CYP24A1: variants seen among roughly 807,000 people sequenced by gnomAD.
The protein encoded by CYP24A1 is cytochrome P450 family 24 subfamily A member 1, also known as 1,25-dihydroxyvitamin D(3) 24-hydroxylase, mitochondrial.
Under a neutral mutation model 62.4 loss-of-function variants are expected in CYP24A1, and 68 were observed. That is an observed-to-expected ratio of 1.09 (90% CI 0.90 to 1.33). CYP24A1 has a LOEUF of 1.33. Ranked by LOEUF, CYP24A1 falls within the 40% of genes most tolerant of loss-of-function variation. The probability of loss-of-function intolerance (pLI) is 0.00; values close to 1 mark genes in which losing one functional copy is unlikely to be tolerated. For synonymous variants in CYP24A1, 267 were observed against 253.0 expected (o/e 1.06, Z -0.52); for missense variants, 787 against 653.0 (o/e 1.21, Z -2.24).
downstream of CYP24A1, among the ~76,000 whole-genome samples, chr20:54,152,401 C>T (rs528182830): frequency 1.3e-5 from 2 of 152,340 alleles, no homozygotes; most frequent in East Asian, 3.9e-4. Flanking sequence ...GCTTGTTTGG[C>T]TTCTTTCCCT....
At chr20:54,150,199 G>A (rs935374497), downstream of CYP24A1, among the ~76,000 whole-genome samples, 1 of 152,168 alleles carries the variant, frequency 6.6e-6, no homozygotes, top group African/African-American at 2.4e-5. Context: ...GGGATGTAAA[G>A]TTTACCGTAA....
intron 3 of CYP24A1, 99 bp downstream of exon 3, chr20:54,171,478 C>T: frequency 6.2e-7 from 1 of 1,607,834 alleles, no homozygotes; most frequent in African/African-American, 1.3e-5. Context: ...ACCCGAATTG[C>T]ATTCTTTTTT....
chr20:54,159,658 G>A (rs1412454970), intron 7 of CYP24A1, among the ~76,000 whole-genome samples: 1 of 152,112 alleles, frequency 6.6e-6, no homozygotes, highest in Non-Finnish European at 1.5e-5. Context: ...AAAAGTGCTG[G>A]GATTACAGGC....
chr20:54,169,752 G>T, intron 3 of CYP24A1, 64 bp from the exon 4 acceptor site: 1 of 1,606,812 alleles, frequency 6.2e-7, no homozygotes, highest in Non-Finnish European at 8.5e-7. Flanking sequence ...AAACTTTAAA[G>T]CTCACTGAGC....
At position 54,157,275 on chromosome 20, in the gene CYP24A1, G is replaced by GT; in HGVS notation, c.1448dup (p.Tyr483Ter). 1 of 1,607,964 alleles carries GT rather than the reference G, an allele frequency of 6.2e-7. No individual in the cohort carries two copies. The highest frequency in any genetic ancestry group is 1.7e-4 in the Middle Eastern group (1 of 6,048). Residue 483 changes from tyrosine (Y) to a stop codon, truncating the protein, a stop_gained and frameshift_variant, in exon 11 of 12, where the codon TAC (tyrosine) becomes TAAC (stop). Coordinates refer to ENST00000216862, the MANE Select transcript of CYP24A1 (RefSeq NM_000782.5). LOFTEE classifies it high-confidence loss of function. ...HLALCWIVRKYDIQATDNEPV... is the reference protein window; with the variant it reads ...HLALCWIVRK Reference sequence around the variant, plus strand: ...GCTCATTGTCTGTGGCCTGGATGTCGTATTTGCGGACAATCTGTAATGCAC... The same window carrying GT: ...GCTCATTGTCTGTGGCCTGGATGTCGTTATTTGCGGACAATCTGTAATGCAC...
chr20:54,168,229 C>G (rs941320108), intron 4 of CYP24A1, among the ~76,000 whole-genome samples: 2 of 152,218 alleles, frequency 1.3e-5, no homozygotes, highest in Non-Finnish European at 2.9e-5. Flanking sequence ...CGCTGTCCCA[C>G]CTGATCACAG....
At chr20:54,143,754 A>G in the CYP24A1 span, among the ~76,000 whole-genome samples, 8 of 152,072 alleles carry the variant, frequency 5.3e-5, no homozygotes, top group Non-Finnish European at 1.0e-4. Flanking sequence ...AGCATCAACT[A>G]ATGATATGGA....
intron 7 of CYP24A1, 121 bp from the exon 8 acceptor site, chr20:54,159,244 C>A: frequency 1.3e-6 from 1 of 786,850 alleles, no homozygotes; most frequent in Admixed American, 1.9e-5. Context: ...AGCTCTTTCA[C>A]GCGTCCTTAT....
In CYP24A1 at chr20:54,159,009, C is replaced by T. The variant is rs2092639937; in HGVS notation, c.1105G>A (p.Glu369Lys). ...AAATACGGCATATTCCTCAAATCTT[C>T]TGCCCGTGGCACCTGATTCTCAGGT... ...VLPENQVPRAEDLRNMPYLKA... is the reference protein window; with the variant it reads ...VLPENQVPRAKDLRNMPYLKA... Residue 369 changes from glutamate (E) to lysine (K), a missense_variant, in exon 8 of 12, where the codon GAA becomes AAA. Glu to Lys is a moderately conservative substitution (Grantham distance 56). Coordinates refer to ENST00000216862, the MANE Select transcript of CYP24A1 (RefSeq NM_000782.5). The T allele has an allele frequency of 1.2e-6, 2 of 1,614,190 alleles. No homozygotes were observed. The highest frequency in any genetic ancestry group is 8.5e-7 in the Non-Finnish European group (1 of 1,180,028).
chr20:54,148,562 G>T (rs550764999), downstream of CYP24A1, among the ~76,000 whole-genome samples: 1 of 152,080 alleles, frequency 6.6e-6, no homozygotes, highest in South Asian at 2.1e-4. Context: ...GGTGGGGCAG[G>T]TAAAGTACAA....
At chr20:54,159,417 T>C (rs1012509349) in intron 7 of CYP24A1, among the ~76,000 whole-genome samples, 3 of 137,732 alleles carry the variant, frequency 2.2e-5, no homozygotes, top group Non-Finnish European at 4.6e-5. Flanking sequence ...TTTTTTGAGA[T>C]GGAGTCTCAC....
At chr20:54,170,827 C>A (rs1411031356) in intron 3 of CYP24A1, among the ~76,000 whole-genome samples, 3 of 152,160 alleles carry the variant, frequency 2.0e-5, no homozygotes, top group Non-Finnish European at 2.9e-5. Flanking sequence ...TATATGATCC[C>A]ATCTGGGGAC....
rs2092663565 is a variant in CYP24A1, at chr20:54,164,463, A to G, written c.833T>C (p.Ile278Thr). ...WQDHTLAWDT[I>T]FKSVKACIDN... ...GGGCGGCCCTTTACCTGATTTGAAA[A>G]TGGTGTCCCAGGCCAGAGTGTGGTC... Residue 278 changes from isoleucine to threonine, a missense_variant, in exon 6 of 12, where the codon ATT (isoleucine) becomes ACT (threonine). Transcript: ENST00000216862. 8.1e-6 allele frequency: 13 copies of G among 1,614,094 alleles called. No homozygotes were observed. The highest frequency in any genetic ancestry group is 1.6e-4 in the Middle Eastern group (1 of 6,062).
Position 54,158,125 on chromosome 20 carries a change from G to A in CYP24A1, c.1197C>T (p.Asp399=). 2 of 1,614,000 alleles carry A rather than the reference G, an allele frequency of 1.2e-6. No individual in the cohort carries two copies. Among genetic ancestry groups the A allele is most frequent in the East Asian group, 2.2e-5 (1 of 44,874 alleles). ...PSVPFTTRTL[D]KATVLGEYAL... is the part of the protein sequence containing the mutation. ...CATATTCACCCAGAACTGTTGCCTTGTCAAGAGTCCGAGTTGTAAATGGTA... is the reference window on the plus strand; with the variant it reads ...CATATTCACCCAGAACTGTTGCCTTATCAAGAGTCCGAGTTGTAAATGGTA... The change falls in exon 9 of 12, where the codon GAC becomes GAT. Residue 399 remains aspartate, a synonymous_variant. Transcript: ENST00000216862.
chr20:54,151,635 C>T (rs1043916788), downstream of CYP24A1, among the ~76,000 whole-genome samples: 6 of 152,046 alleles, frequency 3.9e-5, no homozygotes, highest in African/African-American at 1.4e-4. Context: ...CAACCTCCGC[C>T]TCCTGGGTTC....
chr20:54,157,433 A>T lies in CYP24A1; in HGVS notation c.1389T>A (p.Ile463=). Residue 463 remains isoleucine (I), a synonymous_variant, in exon 10 of 12, where the codon ATT becomes ATA. Transcript: ENST00000216862. ...GTTGAAGCTCTGCTAATCGGCGACC[A>T]ATGCACATTCTTTTTCCAACGCCAA... ...LPFGVGKRMC[I]GRRLAELQLH... The T allele has an allele frequency of 6.2e-7, 1 of 1,607,392 alleles. No homozygotes were observed. The highest frequency in any genetic ancestry group is 8.5e-7 in the Non-Finnish European group (1 of 1,173,768).
intron 7 of CYP24A1, among the ~76,000 whole-genome samples, chr20:54,160,662 C>T (rs2092647049): frequency 6.6e-6 from 1 of 152,216 alleles, no homozygotes; most frequent in Admixed American, 6.5e-5. Context: ...AAATTAGATA[C>T]ACTTTCAAAT....
downstream of CYP24A1, among the ~76,000 whole-genome samples, chr20:54,149,804 G>A (rs1360050447): frequency 1.3e-5 from 2 of 152,184 alleles, no homozygotes; most frequent in African/African-American, 2.4e-5. Flanking sequence ...ACAGCAAGAT[G>A]AGAAACGAGA....
At position 54,157,225 on chromosome 20, in the gene CYP24A1, G is replaced by A. The variant is rs752346395; in HGVS notation, c.1499C>T (p.Thr500Ile). The change falls in exon 11 of 12, where the codon ACC (threonine) becomes ATC (isoleucine). Residue 500 changes from threonine (T) to isoleucine (I), a missense_variant. By Grantham distance (89) the Thr-to-Ile change is moderately conservative. Coordinates refer to ENST00000216862, the MANE Select transcript of CYP24A1 (RefSeq NM_000782.5). ...GGGGAGTTCCCGGCTGGGCACCAGGGTGCCTGAGTGTAGCATCTCAACAGG... is the reference window on the plus strand; with the variant it reads ...GGGGAGTTCCCGGCTGGGCACCAGGATGCCTGAGTGTAGCATCTCAACAGG... The part of the protein sequence containing the change: ...NEPVEMLHSG[T>I]LVPSRELPIA... 6.2e-7 allele frequency: 1 copy of A among 1,613,302 alleles called. No homozygotes were observed. The highest frequency in any genetic ancestry group is 2.2e-5 in the East Asian group (1 of 44,900).
Sources: allele counts gnomAD v4.1 joint callset (sites outside exome capture counted in the v4.1 genomes callset), GRCh38; gene constraint gnomAD v4.1.1; transcripts MANE v1.5; gene names NCBI Gene and HGNC (gene_info 2026-07-23, HGNC 2026-07-21).